SLC44A1: variants seen among roughly 807,000 people sequenced by gnomAD.
The protein encoded by SLC44A1 is solute carrier family 44 member 1, also known as choline transporter-like protein 1.
In SLC44A1, 26 loss-of-function variants were observed where a neutral mutation model predicts 79.3. The ratio of observed to expected loss-of-function variants is 0.33; its 90% confidence interval spans 0.24 to 0.46. The LOEUF (loss-of-function observed/expected upper bound fraction) is 0.46, where lower values mean the gene tolerates loss of function less well. Ranked by LOEUF, SLC44A1 falls within the 20% of genes least tolerant of loss-of-function variation. The probability of loss-of-function intolerance (pLI) is 1.00; values close to 1 mark genes in which losing one functional copy is unlikely to be tolerated. For synonymous variants in SLC44A1, 263 were observed against 286.2 expected (o/e 0.92, Z 0.82); for missense variants, 688 against 798.1 (o/e 0.86, Z 1.66).
At chr9:105,427,556 G>T (rs573419425) in intron 15 of SLC44A1, among the ~76,000 whole-genome samples, 2 of 152,246 alleles carry the variant, frequency 1.3e-5, no homozygotes, top group African/African-American at 2.4e-5. Flanking sequence ...ATTCAGGGGT[G>T]AGCCACTGCA....
chr9:105,282,658 C>T (rs1315086988), intron 1 of SLC44A1, among the ~76,000 whole-genome samples: 1 of 152,098 alleles, frequency 6.6e-6, no homozygotes, highest in African/African-American at 2.4e-5. Flanking sequence ...AACCAATTCT[C>T]CTGCCTCAGC....
chr9:105,433,746 A>G (rs1383954458), intron 15 of SLC44A1, among the ~76,000 whole-genome samples: 1 of 152,172 alleles, frequency 6.6e-6, no homozygotes, highest in Non-Finnish European at 1.5e-5. Context: ...GCCCAAAGGA[A>G]AATGCCTAAA....
intron 3 of SLC44A1, among the ~76,000 whole-genome samples, chr9:105,324,467 G>T (rs563009664): frequency 6.6e-6 from 1 of 151,782 alleles, no homozygotes; most frequent in East Asian, 1.9e-4. Context: ...TGGCCAGGCT[G>T]GTCTCAAACT....
At chr9:105,304,706 G>C (rs1830971002) in intron 2 of SLC44A1, among the ~76,000 whole-genome samples, 1 of 152,058 alleles carries the variant, frequency 6.6e-6, no homozygotes, top group Non-Finnish European at 1.5e-5. Context: ...GGAATAAAAA[G>C]TTACTTGCTC....
intron 2 of SLC44A1, among the ~76,000 whole-genome samples, chr9:105,308,143 G>A (rs1417459228): frequency 6.6e-6 from 1 of 152,128 alleles, no homozygotes; most frequent in African/African-American, 2.4e-5. Context: ...TTTGTCCAAG[G>A]TCACCCAAGA....
intron 1 of SLC44A1, among the ~76,000 whole-genome samples, chr9:105,257,236 A>G: frequency 6.6e-6 from 1 of 152,028 alleles, no homozygotes; most frequent in Non-Finnish European, 1.5e-5. Context: ...AGCTGCGATT[A>G]CAAGCATGTG....
At chr9:105,348,148 T>C (rs1250778403) in intron 4 of SLC44A1, among the ~76,000 whole-genome samples, 2 of 152,112 alleles carry the variant, frequency 1.3e-5, no homozygotes, top group East Asian at 3.8e-4. Flanking sequence ...TTAATATTAA[T>C]TAAAATTTGT....
chr9:105,286,777 A>G (rs1830488392), intron 1 of SLC44A1, among the ~76,000 whole-genome samples: 3 of 152,148 alleles, frequency 2.0e-5, no homozygotes, highest in Non-Finnish European at 4.4e-5. Context: ...AGCCTGGGCA[A>G]CATAAACGAG....
At chr9:105,277,927 C>G (rs1362958429) in intron 1 of SLC44A1, among the ~76,000 whole-genome samples, 2 of 152,212 alleles carry the variant, frequency 1.3e-5, no homozygotes, top group Non-Finnish European at 2.9e-5. Context: ...GGGGCTCATG[C>G]TTTCTTCTTT....
At chr9:105,408,402 T>TTTGTTG (rs71364094) in intron 15 of SLC44A1, among the ~76,000 whole-genome samples, 2,278 of 151,848 alleles carry the variant, frequency 0.015, 69 homozygotes, top group African/African-American at 0.052. Flanking sequence ...TTGTCACTCA[T>TTTGTTG]TTGTTGTTGT....
At chr9:105,435,541 A>G (rs72744249) in intron 15 of SLC44A1, among the ~76,000 whole-genome samples, 8,662 of 152,310 alleles carry the variant, frequency 0.057, 368 homozygotes, top group Non-Finnish European at 0.094. Flanking sequence ...CTGATTAGTT[A>G]GGGCAGGGCA....
At chr9:105,314,115 A>G (rs1275018942) in intron 3 of SLC44A1, among the ~76,000 whole-genome samples, 4 of 152,110 alleles carry the variant, frequency 2.6e-5, no homozygotes, top group Non-Finnish European at 5.9e-5. Context: ...TGTCTTCCAT[A>G]TCAATTTGGA....
chr9:105,291,871 C>A (rs1830607877), intron 1 of SLC44A1, among the ~76,000 whole-genome samples: 2 of 152,156 alleles, frequency 1.3e-5, no homozygotes, highest in Non-Finnish European at 2.9e-5. Flanking sequence ...ATGTTGATAA[C>A]CTTGTCAGAA....
intron 1 of SLC44A1, among the ~76,000 whole-genome samples, chr9:105,268,857 C>T (rs949164150): frequency 3.3e-5 from 5 of 152,152 alleles, no homozygotes; most frequent in African/African-American, 9.7e-5. Flanking sequence ...TATAGGTAGT[C>T]CTTTCTTCTG....
At chr9:105,338,526 T>C (rs1297587116) in intron 4 of SLC44A1, among the ~76,000 whole-genome samples, 1 of 152,194 alleles carries the variant, frequency 6.6e-6, no homozygotes, top group Non-Finnish European at 1.5e-5. Context: ...GTGGTTCTCC[T>C]GCTTCAGCCT....
chr9:105,402,307 A>G (rs1828968865), downstream of SLC44A1, among the ~76,000 whole-genome samples: 1 of 152,162 alleles, frequency 6.6e-6, no homozygotes, highest in East Asian at 1.9e-4. Context: ...GAGGACTGGA[A>G]AAGAGCAGGA....
intron 1 of SLC44A1, among the ~76,000 whole-genome samples, chr9:105,258,092 C>T (rs1829753312): frequency 6.6e-6 from 1 of 152,160 alleles, no homozygotes; most frequent in African/African-American, 2.4e-5. Context: ...ACCTTCCTGA[C>T]TTAATCTGGA....
intron 1 of SLC44A1, among the ~76,000 whole-genome samples, chr9:105,264,386 C>T (rs916026445): frequency 6.6e-6 from 1 of 152,168 alleles, no homozygotes; most frequent in African/African-American, 2.4e-5. Flanking sequence ...AGGAGGGTCT[C>T]AAACTCTGGG....
rs1045238597 is a variant in SLC44A1, at chr9:105,393,674, A to G, written c.*4618A>G. The G allele has an allele frequency of 3.0e-6, 3 of 984,534 alleles. No homozygotes were observed. Among genetic ancestry groups the G allele is most frequent in the African/African-American group, 3.5e-5 (2 of 57,228 alleles). 61.0% of individuals were successfully genotyped at this position (984,534 alleles called of 1,614,324 possible). On this transcript the variant is annotated 3_prime_UTR_variant, in exon 16 of 16. Coordinates refer to ENST00000374720, the MANE Select transcript of SLC44A1 (RefSeq NM_080546.5). ...GATTTTGTACATGTAAAGACAAATGATGATTCAGTTTCAATATTGCATGAA... is the reference window on the plus strand; with the variant it reads ...GATTTTGTACATGTAAAGACAAATGGTGATTCAGTTTCAATATTGCATGAA...
Sources: gnomAD v4.1 joint callset for allele counts (sites outside exome capture counted in the v4.1 genomes callset) on GRCh38, gnomAD v4.1.1 for gene constraint, MANE v1.5 for transcripts, NCBI Gene and HGNC (gene_info 2026-07-23, HGNC 2026-07-21) for gene names.